Variants in NFIC observed in about 807,000 individuals in gnomAD.
NFIC encodes the protein nuclear factor 1 C-type.
Under a neutral mutation model 54.4 loss-of-function variants are expected in NFIC, and 12 were observed. The observed-to-expected ratio is 0.22, with a 90% CI of 0.14 to 0.36. The LOEUF (loss-of-function observed/expected upper bound fraction) is 0.36. NFIC is among the 10% of genes least tolerant of loss of function. NFIC has a pLI of 1.00. For synonymous variants in NFIC, 322 were observed against 319.2 expected (o/e 1.01, Z -0.09); for missense variants, 575 against 718.2 (o/e 0.80, Z 2.28).
chr19:3,379,846 A>G (rs1303566546), intron 1 of NFIC, among the ~76,000 whole-genome samples: 1 of 149,080 alleles, frequency 6.7e-6, no homozygotes, highest in East Asian at 2.0e-4. Context: ...TGCATCACCT[A>G]GCTAAGTTTT....
At chr19:3,366,322 G>A (rs1297697148), upstream of NFIC, among the ~76,000 whole-genome samples, 1 of 150,076 alleles carries the variant, frequency 6.7e-6, no homozygotes, top group Non-Finnish European at 1.5e-5. Flanking sequence ...TTGAAAGTTG[G>A]GTGTTGAGAA....
rs1403845434 is a variant in NFIC, at chr19:3,382,046, G to A, written c.365G>A (p.Arg122Gln). The A allele has an allele frequency of 1.2e-6, 2 of 1,613,482 alleles. No homozygotes were observed. The highest frequency in any genetic ancestry group is 1.7e-6 in the Non-Finnish European group (2 of 1,179,942). ...KGKMRRIDCL[R>Q]QADKVWRLDL... Reference sequence around the variant, plus strand: ...AAGATGCGGCGCATCGACTGTCTCCGGCAGGCGGACAAGGTGTGGCGGCTG... The same window carrying A: ...AAGATGCGGCGCATCGACTGTCTCCAGCAGGCGGACAAGGTGTGGCGGCTG... Residue 122 changes from arginine (R) to glutamine (Q), a missense_variant, in exon 2 of 11, where the codon CGG becomes CAG. By Grantham distance (43) the Arg-to-Gln change is conservative. Transcript: ENST00000443272.
intron 6 of NFIC, among the ~76,000 whole-genome samples, chr19:3,436,394 G>C (rs2082204867): frequency 7.1e-6 from 1 of 141,128 alleles, no homozygotes; most frequent in Non-Finnish European, 1.5e-5. Flanking sequence ...CTGAGTTCAA[G>C]TGTGATCTTT....
intron 10 of NFIC, among the ~76,000 whole-genome samples, chr19:3,461,257 CAAAAA>C (rs57979040): frequency 1.3e-5 from 1 of 78,228 alleles, no homozygotes; most frequent in African/African-American, 4.3e-5. Flanking sequence ...CCCACCTCTA[CAAAAA>C]AAAAAAAAAA....
intron 6 of NFIC, among the ~76,000 whole-genome samples, chr19:3,442,869 C>T (rs1023945476): frequency 3.3e-5 from 5 of 152,244 alleles, no homozygotes; most frequent in Admixed American, 2.0e-4. Context: ...AAGCTCTGCA[C>T]GGGGCAGCTG....
At position 3,467,788 on chromosome 19, in the gene NFIC, T is replaced by TATACATATATATATATATATATATAA. The variant is rs566623409; in HGVS notation, c.*5020_*5021insTACATATATATATATATATATATAAA. The TATACATATATATATATATATATATAA allele has an allele frequency of 1.0e-4, 14 of 136,798 alleles. 1 individual carries two copies. The South Asian group carries it at 1.8e-3, about 18-fold the overall frequency. The allele number at this position is 136,798 out of a possible 1,614,324, so 8.5% of individuals were successfully genotyped here. A position where few individuals can be genotyped will look rare whatever the true frequency, so the allele number is the denominator to read the frequency against. ...ATATATATATATATATATATATATA[T>TATACATATATATATATATATATATAA]AATTTTGGAATTTGTTTCTCATAAT... On this transcript the variant is annotated 3_prime_UTR_variant, in exon 11 of 11. Transcript: ENST00000443272.
intron 1 of NFIC, among the ~76,000 whole-genome samples, chr19:3,380,215 A>G (rs1016478738): frequency 2.1e-5 from 3 of 143,660 alleles, no homozygotes; most frequent in Non-Finnish European, 3.0e-5. Context: ...TGTGTTAGCC[A>G]GGATGGTCTC....
intron 4 of NFIC, among the ~76,000 whole-genome samples, 169 bp from the exon 5 acceptor site, chr19:3,434,108 G>T (rs1446508630): frequency 6.6e-6 from 1 of 152,144 alleles, no homozygotes; most frequent in Non-Finnish European, 1.5e-5. Context: ...CATGGCCTTG[G>T]TCCTCTGATC....
At chr19:3,392,259 C>CG (rs2081388155) in intron 2 of NFIC, among the ~76,000 whole-genome samples, 1 of 151,712 alleles carries the variant, frequency 6.6e-6, no homozygotes, top group Non-Finnish European at 1.5e-5. Flanking sequence ...TTTAGTAGAG[C>CG]GGGGGTTTCA....
At chr19:3,367,405 G>A (rs1198007240) in intron 1 of NFIC, among the ~76,000 whole-genome samples, 1 of 152,170 alleles carries the variant, frequency 6.6e-6, no homozygotes. Flanking sequence ...CGGGAGGCCC[G>A]GCGCTCCGGG....
intron 1 of NFIC, among the ~76,000 whole-genome samples, chr19:3,368,110 A>G (rs940415522): frequency 6.6e-6 from 1 of 152,102 alleles, no homozygotes; most frequent in Non-Finnish European, 1.5e-5. Flanking sequence ...AAGTTCTCCA[A>G]GAACAACTAG....
intron 1 of NFIC, among the ~76,000 whole-genome samples, chr19:3,368,790 C>T (rs1027415963): frequency 6.6e-6 from 1 of 152,220 alleles, no homozygotes; most frequent in African/African-American, 2.4e-5. Context: ...GTGCCCCATG[C>T]AGGAGCCTCC....
intron 1 of NFIC, among the ~76,000 whole-genome samples, chr19:3,380,074 C>T (rs2081176780): frequency 2.0e-5 from 3 of 151,864 alleles, no homozygotes; most frequent in Admixed American, 2.0e-4. Context: ...AATCTCGGCT[C>T]ACTGCAAGCT....
At chr19:3,411,875 C>T (rs2081767544) in intron 2 of NFIC, among the ~76,000 whole-genome samples, 1 of 152,248 alleles carries the variant, frequency 6.6e-6, no homozygotes, top group East Asian at 1.9e-4. Flanking sequence ...GCACCAGGTG[C>T]CACATTGAAC....
chr19:3,454,516 C>T (rs2082521509), intron 9 of NFIC, among the ~76,000 whole-genome samples: 1 of 151,978 alleles, frequency 6.6e-6, no homozygotes, highest in South Asian at 2.1e-4. Flanking sequence ...TTTTTCTGCT[C>T]TCTGGATGTG....
At chr19:3,462,339 G>A (rs564833949) in intron 10 of NFIC, among the ~76,000 whole-genome samples, 3 of 151,968 alleles carry the variant, frequency 2.0e-5, no homozygotes, top group African/African-American at 7.3e-5. Context: ...CCAATATCAC[G>A]CCATTGCACT....
Position 3,369,574 on chromosome 19 carries a change from T to G in NFIC, c.30+2908T>G, listed in dbSNP as rs11085015. Among the ~76,000 whole-genome samples the G allele has an allele frequency of 0.8, 122,268 of 152,146 alleles. 49,299 individuals are homozygous for G. The highest frequency in any genetic ancestry group is 0.86 in the South Asian group (4,139 of 4,830). On this transcript the variant is annotated intron_variant, in intron 1 of 10. Coordinates refer to ENST00000443272, the MANE Select transcript of NFIC (RefSeq NM_001245002.2). This position sits in a 1 kb window ranked among gnomAD's most constrained non-coding sequence, Gnocchi z 4.3. ...TGCCACCCGGGCCCGGCCCGCCGAG[T>G]GGGGAGTGGGTGCTGGCGGCCCTGG... is the stretch of plus-strand genomic sequence containing the variant.
rs752480526 is a variant in NFIC, at chr19:3,452,478, G to T, written c.1085-4G>T. 2.5e-6 allele frequency: 4 copies of T among 1,610,514 alleles called. No homozygotes were observed. Among genetic ancestry groups the T allele is most frequent in the South Asian group, 2.2e-5 (2 of 91,062 alleles). The stretch of plus-strand genomic sequence containing the variant: ...GTAACCCCCGCTTCCCACTGTCTCC[G>T]CAGGGATCGCCCGGAGCCCACACCC... On this transcript the variant is annotated splice_polypyrimidine_tract_variant and splice_region_variant and intron_variant, in intron 7 of 10. Transcript: ENST00000443272. The surrounding 1 kb of genome is among the most constrained non-coding windows in gnomAD (Gnocchi z 5.3).
intron 2 of NFIC, among the ~76,000 whole-genome samples, chr19:3,384,595 G>A (rs976483447): frequency 3.9e-5 from 6 of 152,122 alleles, no homozygotes; most frequent in African/African-American, 1.4e-4. Flanking sequence ...CACCATGTTG[G>A]CCAGGCTGGT....
Sources: allele counts gnomAD v4.1 joint callset (sites outside exome capture counted in the v4.1 genomes callset), GRCh38; gene constraint gnomAD v4.1.1; non-coding constraint Gnocchi (gnomAD v3.1); transcripts MANE v1.5; gene names NCBI Gene and HGNC (gene_info 2026-07-23, HGNC 2026-07-21).